The following B4GALT6 variants were observed in gnomAD, a reference collection of about 807,000 sequenced individuals.
B4GALT6 encodes the protein UDP-Gal:beta-GlcNAc beta-1,4-galactosyltransferase 6.
Under a neutral mutation model 46.3 loss-of-function variants are expected in B4GALT6, and 14 were observed. The ratio of observed to expected loss-of-function variants is 0.30; its 90% CI spans 0.20 to 0.47. The LOEUF is 0.47. B4GALT6 is among the 20% of genes least tolerant of loss of function. The probability of loss-of-function intolerance (pLI) is 0.99; values close to 1 mark genes in which losing one functional copy is unlikely to be tolerated. For missense variants in B4GALT6, 386 were observed against 480.1 expected, an observed-to-expected ratio of 0.80 and a Z score of 1.83; for synonymous variants, 168 against 162.0, an observed-to-expected ratio of 1.04 and a Z score of -0.28.
chr18:31,669,111 C>T (rs1330762747), intron 1 of B4GALT6, among the ~76,000 whole-genome samples: 1 of 151,924 alleles, frequency 6.6e-6, no homozygotes, highest in African/African-American at 2.4e-5. Flanking sequence ...TGCCCTCTGC[C>T]AGAAATTGTA....
At chr18:31,719,957 C>T in the B4GALT6 span, among the ~76,000 whole-genome samples, 9 of 152,270 alleles carry the variant, frequency 5.9e-5, no homozygotes, top group Admixed American at 5.9e-4. Flanking sequence ...ACTCTTGGAG[C>T]CAGAGGCTGC....
chr18:31,707,340 A>G, the B4GALT6 span, among the ~76,000 whole-genome samples: 7 of 151,302 alleles, frequency 4.6e-5, no homozygotes, highest in Non-Finnish European at 1.0e-4. Flanking sequence ...GTTAATATGT[A>G]GTAATATATT....
intron 3 of B4GALT6, among the ~76,000 whole-genome samples, chr18:31,656,542 C>G (rs1267610178): frequency 6.6e-6 from 1 of 151,486 alleles, no homozygotes; most frequent in Admixed American, 6.6e-5. Flanking sequence ...ATTTAAAGTA[C>G]AGTAGCTTTA....
chr18:31,636,811 ATTTATT>A lies in B4GALT6; in HGVS notation c.588+1827_588+1832del, dbSNP rs199614445. ...GTAGAAAATTAAATTCTTTTTTTCA[ATTTATT>A]TTTATTTTTATTTTTATTTTTTGAG... On this transcript the variant is annotated intron_variant, in intron 5 of 8. Coordinates refer to ENST00000306851, the MANE Select transcript of B4GALT6 (RefSeq NM_004775.5). Among the ~76,000 whole-genome samples the A allele has an allele frequency of 3.7e-3, 556 of 152,188 alleles. 4 individuals carry two copies. The highest frequency in any genetic ancestry group is 0.011 in the African/African-American group (461 of 41,538).
At chr18:31,716,598 T>TA in the B4GALT6 span, among the ~76,000 whole-genome samples, 1 of 152,136 alleles carries the variant, frequency 6.6e-6, no homozygotes, top group Admixed American at 6.6e-5. Context: ...ACCATAGACG[T>TA]AGGTTCTAAG....
rs145240818 is a variant in B4GALT6 at position 31,666,750 on chromosome 18, A to G, written c.116-378T>C. Among the ~76,000 whole-genome samples, 64 of 152,318 alleles carry G rather than the reference A, an allele frequency of 4.2e-4. 1 individual carries two copies. In the East Asian group the frequency reaches 0.01, roughly 25 times the overall value. On this transcript the variant is annotated intron_variant, in intron 1 of 8. Coordinates refer to ENST00000306851, the MANE Select transcript of B4GALT6 (RefSeq NM_004775.5). ...TACAAAATTCAGTTTCTCTAATTAT[A>G]TATTAATTTCCTACCAAAAACTTCA...
At chr18:31,648,993 C>T (rs2144600433) in intron 3 of B4GALT6, among the ~76,000 whole-genome samples, 1 of 152,270 alleles carries the variant, frequency 6.6e-6, no homozygotes, top group South Asian at 2.1e-4. Context: ...ATGACAGTGT[C>T]AGAGAAAGAC....
At chr18:31,702,502 C>G in the B4GALT6 span, among the ~76,000 whole-genome samples, 1 of 152,202 alleles carries the variant, frequency 6.6e-6, no homozygotes, top group Non-Finnish European at 1.5e-5. Flanking sequence ...TCCAGAAAAT[C>G]ATACATCTGA....
the B4GALT6 span, among the ~76,000 whole-genome samples, chr18:31,696,199 T>G: frequency 6.6e-6 from 1 of 151,962 alleles, no homozygotes; most frequent in South Asian, 2.1e-4. Context: ...AAAACACAAT[T>G]AGATGTGAGA....
intron 5 of B4GALT6, among the ~76,000 whole-genome samples, chr18:31,637,711 G>A (rs2144543521): frequency 6.6e-6 from 1 of 152,148 alleles, no homozygotes; most frequent in East Asian, 1.9e-4. Flanking sequence ...TTGCTGTTGT[G>A]TTAAAAAAAG....
chr18:31,679,264 C>A (rs888473595), intron 1 of B4GALT6, among the ~76,000 whole-genome samples: 1 of 152,200 alleles, frequency 6.6e-6, no homozygotes, highest in African/African-American at 2.4e-5. Flanking sequence ...GTTAGCATTG[C>A]CAGATTTCAA....
At chr18:31,650,923 T>C (rs1052274641) in intron 3 of B4GALT6, among the ~76,000 whole-genome samples, 1 of 152,148 alleles carries the variant, frequency 6.6e-6, no homozygotes, top group African/African-American at 2.4e-5. Flanking sequence ...CCTGCCATCA[T>C]ACCCGGCTAA....
the B4GALT6 span, among the ~76,000 whole-genome samples, chr18:31,717,532 A>T: frequency 6.6e-6 from 1 of 152,200 alleles, no homozygotes; most frequent in Non-Finnish European, 1.5e-5. Flanking sequence ...AAATAATAAA[A>T]TTACAATATA....
chr18:31,633,481 A>C (rs925319544), intron 5 of B4GALT6, among the ~76,000 whole-genome samples: 6 of 152,238 alleles, frequency 3.9e-5, no homozygotes, highest in Non-Finnish European at 5.9e-5. Flanking sequence ...ACTGGTCTTC[A>C]AGTGTTATCA....
At chr18:31,630,238 C>T (rs1027239241) in intron 6 of B4GALT6, among the ~76,000 whole-genome samples, 2 of 152,110 alleles carry the variant, frequency 1.3e-5, no homozygotes, top group South Asian at 2.1e-4. Flanking sequence ...GTGACACAGG[C>T]AACATCTTCC....
chr18:31,682,577 G>C (rs1225698222), intron 1 of B4GALT6, among the ~76,000 whole-genome samples: 1 of 151,952 alleles, frequency 6.6e-6, no homozygotes, highest in Non-Finnish European at 1.5e-5. Context: ...GTTGAATTAA[G>C]AATCTACAAA....
At chr18:31,676,465 T>A (rs1316452582) in intron 1 of B4GALT6, among the ~76,000 whole-genome samples, 5 of 152,130 alleles carry the variant, frequency 3.3e-5, no homozygotes, top group African/African-American at 9.7e-5. Flanking sequence ...CTCTAATAAT[T>A]AAAAACACTA....
intron 2 of B4GALT6, among the ~76,000 whole-genome samples, chr18:31,662,855 A>AC: frequency 6.6e-6 from 1 of 152,172 alleles, no homozygotes; most frequent in South Asian, 2.1e-4. Context: ...AAAAACAAAA[A>AC]CAAAAAAACC....
chr18:31,635,033 G>A (rs1282230671), intron 5 of B4GALT6, among the ~76,000 whole-genome samples: 1 of 152,080 alleles, frequency 6.6e-6, no homozygotes, highest in Non-Finnish European at 1.5e-5. Context: ...ACAAGGTCAG[G>A]AGATCGAGAC....
Sources: gnomAD v4.1 joint callset for allele counts (sites outside exome capture counted in the v4.1 genomes callset) on GRCh38, gnomAD v4.1.1 for gene constraint, MANE v1.5 for transcripts, NCBI Gene and HGNC (gene_info 2026-07-23, HGNC 2026-07-21) for gene names.